Variants in ZDHHC7 observed in about 807,000 individuals in gnomAD.
ZDHHC7 encodes zDHHC palmitoyltransferase 7.
ZDHHC7 carries 12 observed loss-of-function variants against 34.1 expected under a neutral mutation model. That is an observed-to-expected ratio of 0.35 (90% CI 0.23 to 0.57). The LOEUF (loss-of-function observed/expected upper bound fraction) is 0.57. Among genes scored for constraint, ZDHHC7 ranks in the 20% least tolerant of loss-of-function variants. The pLI is 0.84. For synonymous variants in ZDHHC7, 185 were observed against 155.4 expected (o/e 1.19, Z -1.42); for missense variants, 388 against 402.7 (o/e 0.96, Z 0.31).
the ZDHHC7 span, among the ~76,000 whole-genome samples, chr16:85,019,994 A>C: frequency 6.6e-6 from 1 of 152,212 alleles, no homozygotes; most frequent in Non-Finnish European, 1.5e-5. Flanking sequence ...ACTGAGAGTC[A>C]GATGTAAGCC....
chr16:84,990,775 A>C, intron 2 of ZDHHC7, 140 bp from the exon 3 acceptor site: 1 of 704,596 alleles, frequency 1.4e-6, no homozygotes. Context: ...TAAAAACATA[A>C]CTAAGATCTG....
chr16:85,003,800 A>C (rs947015419), intron 1 of ZDHHC7, among the ~76,000 whole-genome samples: 8 of 152,164 alleles, frequency 5.3e-5, no homozygotes, highest in Admixed American at 5.2e-4. Flanking sequence ...GAACACACAC[A>C]GCACACAATG....
the ZDHHC7 span, among the ~76,000 whole-genome samples, chr16:85,023,684 T>A: frequency 6.6e-6 from 1 of 152,196 alleles, no homozygotes; most frequent in Non-Finnish European, 1.5e-5. Context: ...AGCGGCACAA[T>A]CTTGGCTCAC....
Position 84,976,168 on chromosome 16 carries a change from A to C in ZDHHC7, c.*175T>G. On this transcript the variant is annotated 3_prime_UTR_variant, in exon 8 of 8. Coordinates refer to ENST00000313732, the MANE Select transcript of ZDHHC7 (RefSeq NM_017740.3). ...CGTTGTTGTACAGGTGGGGACTGAG[A>C]GCCTCTTCCTCTGCCATCTGTGACT... The C allele has an allele frequency of 1.2e-6, 1 of 801,966 alleles. No individual in the cohort carries two copies. Among genetic ancestry groups the C allele is most frequent in the African/African-American group, 1.8e-5 (1 of 56,932 alleles). The allele number at this position is 801,966 out of a possible 1,614,324, so 49.7% of individuals were successfully genotyped here.
intron 1 of ZDHHC7, among the ~76,000 whole-genome samples, chr16:85,000,389 G>C: frequency 6.6e-6 from 1 of 152,048 alleles, no homozygotes; most frequent in East Asian, 1.9e-4. Flanking sequence ...TAAGCTCTTC[G>C]CCTTTACTTT....
chr16:85,006,174 T>C (rs1015270015), intron 1 of ZDHHC7, among the ~76,000 whole-genome samples: 10 of 152,006 alleles, frequency 6.6e-5, no homozygotes, highest in African/African-American at 1.9e-4. Flanking sequence ...CTGGGCAACA[T>C]AGCGAGACCC....
intron 3 of ZDHHC7, among the ~76,000 whole-genome samples, chr16:84,986,700 C>G (rs980751272): frequency 6.6e-6 from 1 of 152,320 alleles, no homozygotes; most frequent in Non-Finnish European, 1.5e-5. Context: ...GCACCAATGA[C>G]TTTCCTCAAG....
chr16:84,981,138 C>A (rs1050151653), intron 4 of ZDHHC7, among the ~76,000 whole-genome samples: 1 of 152,138 alleles, frequency 6.6e-6, no homozygotes, highest in African/African-American at 2.4e-5. Flanking sequence ...CACTTCAACA[C>A]GTGAAATCAA....
chr16:85,019,883 C>T, the ZDHHC7 span, among the ~76,000 whole-genome samples: 2 of 152,272 alleles, frequency 1.3e-5, no homozygotes, highest in South Asian at 4.1e-4. Flanking sequence ...AGCCAGGATG[C>T]CGCCCCAAAT....
chr16:84,982,382 A>C (rs910212897), intron 3 of ZDHHC7, among the ~76,000 whole-genome samples: 7 of 151,570 alleles, frequency 4.6e-5, no homozygotes, highest in African/African-American at 1.7e-4. Context: ...CTATATCATC[A>C]AACAATTAAA....
chr16:84,995,576 A>G (rs1368689286), intron 2 of ZDHHC7, among the ~76,000 whole-genome samples: 1 of 152,214 alleles, frequency 6.6e-6, no homozygotes, highest in African/African-American at 2.4e-5. Context: ...CAGAGAGCCA[A>G]GATCACGCCA....
chr16:84,992,737 C>G (rs1354932347), intron 2 of ZDHHC7, among the ~76,000 whole-genome samples: 4 of 152,124 alleles, frequency 2.6e-5, no homozygotes, highest in African/African-American at 9.7e-5. Flanking sequence ...ACCATGGCTT[C>G]TGAAATGTGA....
At chr16:84,982,806 G>A (rs776322606) in intron 3 of ZDHHC7, among the ~76,000 whole-genome samples, 35 of 152,252 alleles carry the variant, frequency 2.3e-4, no homozygotes, top group Non-Finnish European at 3.8e-4. Flanking sequence ...TGCTAGAGGA[G>A]CTGGAGAAGA....
chr16:85,026,146 C>G, the ZDHHC7 span, among the ~76,000 whole-genome samples: 3 of 152,172 alleles, frequency 2.0e-5, no homozygotes, highest in Non-Finnish European at 4.4e-5. Flanking sequence ...ACAATTCTCC[C>G]AAACAGCTGG....
At chr16:85,002,792 A>G (rs2072669938) in intron 1 of ZDHHC7, among the ~76,000 whole-genome samples, 1 of 152,122 alleles carries the variant, frequency 6.6e-6, no homozygotes, top group Non-Finnish European at 1.5e-5. Context: ...AAACCCGGGC[A>G]TGAAGAGAAG....
chr16:84,983,590 G>A (rs2072398631), intron 3 of ZDHHC7, among the ~76,000 whole-genome samples: 1 of 152,192 alleles, frequency 6.6e-6, no homozygotes, highest in Non-Finnish European at 1.5e-5. Context: ...CAGTCCCATG[G>A]CCGCAATATG....
At chr16:85,023,059 T>A in the ZDHHC7 span, among the ~76,000 whole-genome samples, 4 of 152,082 alleles carry the variant, frequency 2.6e-5, no homozygotes, top group Non-Finnish European at 5.9e-5. Flanking sequence ...AGACAAACAA[T>A]TCTCCCCTAG....
intron 1 of ZDHHC7, among the ~76,000 whole-genome samples, chr16:84,997,202 A>G (rs1402360229): frequency 6.6e-6 from 1 of 151,814 alleles, no homozygotes. Context: ...AAAAAGAGGA[A>G]CAGTTTAAGA....
At chr16:84,977,384 G>C in intron 6 of ZDHHC7, 159 bp from the exon 7 acceptor site, 1 of 901,314 alleles carries the variant, frequency 1.1e-6, no homozygotes, top group Non-Finnish European at 1.6e-6. Context: ...CCAAGGAGCA[G>C]AGGAGGGCCA....
Sources: gnomAD v4.1 joint callset for allele counts (sites outside exome capture counted in the v4.1 genomes callset) on GRCh38, gnomAD v4.1.1 for gene constraint, MANE v1.5 for transcripts, NCBI Gene and HGNC (gene_info 2026-07-23, HGNC 2026-07-21) for gene names.